The following FAM124A variants were observed in gnomAD, a reference collection of about 807,000 sequenced individuals.
FAM124A encodes the protein family with sequence similarity 124 member A.
Under a neutral mutation model 24.5 loss-of-function variants are expected in FAM124A, and 23 were observed. The observed-to-expected ratio is 0.94, with a 90% CI of 0.68 to 1.33. FAM124A has a LOEUF of 1.33. FAM124A is among the 40% of genes most tolerant of loss of function. The probability of loss-of-function intolerance (pLI) is 0.00; values close to 1 mark genes in which losing one functional copy is unlikely to be tolerated. For missense variants in FAM124A, 623 were observed against 722.8 expected (o/e 0.86, Z 1.58); for synonymous variants, 287 against 314.7 (o/e 0.91, Z 0.93).
intron 3 of FAM124A, among the ~76,000 whole-genome samples, chr13:51,264,863 A>G (rs571914864): frequency 1.1e-4 from 17 of 152,334 alleles, no homozygotes; most frequent in African/African-American, 4.1e-4. Context: ...CATTGTGTGT[A>G]TATCATCTTT....
chr13:51,233,775 G>A (rs1330623770), intron 2 of FAM124A, among the ~76,000 whole-genome samples: 3 of 152,150 alleles, frequency 2.0e-5, no homozygotes, highest in Non-Finnish European at 4.4e-5. Flanking sequence ...GTATCAATTT[G>A]ACAATGCTAC....
chr13:51,233,532 G>A (rs1223928294), intron 2 of FAM124A, among the ~76,000 whole-genome samples: 17 of 152,078 alleles, frequency 1.1e-4, no homozygotes. Flanking sequence ...AAGGAAGAAG[G>A]GGAGAGTGGG....
intron 1 of FAM124A, among the ~76,000 whole-genome samples, chr13:51,226,338 C>T (rs1336936923): frequency 1.3e-5 from 2 of 151,996 alleles, no homozygotes; most frequent in African/African-American, 4.8e-5. Context: ...GGCAGATGGA[C>T]TTCATACCAC....
At chr13:51,223,227 G>T (rs756851974) in intron 1 of FAM124A, among the ~76,000 whole-genome samples, 1 of 151,584 alleles carries the variant, frequency 6.6e-6, no homozygotes, top group Non-Finnish European at 1.5e-5. Context: ...CTTCGCTTCA[G>T]CGGACTCAAA....
intron 1 of FAM124A, among the ~76,000 whole-genome samples, chr13:51,229,697 T>C (rs960420578): frequency 6.6e-6 from 1 of 152,224 alleles, no homozygotes; most frequent in Non-Finnish European, 1.5e-5. Context: ...CTTAAGATGA[T>C]TTTATTGTAA....
rs186454218 is a variant in FAM124A at position 51,241,323 on chromosome 13, C to T, written c.100+9944C>T. ...CTGCGTCATTTAGAATGTATCATCT[C>T]CCATTTGTATTTTTGTTACATTTGT... On this transcript the variant is annotated intron_variant, in intron 2 of 3. Coordinates refer to ENST00000322475, the MANE Select transcript of FAM124A (RefSeq NM_001242312.2). Among the ~76,000 whole-genome samples, 10 of 152,322 alleles carry T rather than the reference C, an allele frequency of 6.6e-5. No homozygotes were observed. The East Asian group carries it at 1.5e-3, about 24-fold the overall frequency.
Position 51,251,448 on chromosome 13 carries a change from C to T in FAM124A, c.101-20C>T, listed in dbSNP as rs529850427. 8 of 1,494,482 alleles carry T rather than the reference C, an allele frequency of 5.4e-6. No individual in the cohort carries two copies. The East Asian group carries it at 1.4e-4, about 26-fold the overall frequency. The allele number at this position is 1,494,482 out of a possible 1,614,324, so 92.6% of individuals were successfully genotyped here. On this transcript the variant is annotated intron_variant, in intron 2 of 3. Transcript: ENST00000322475. The surrounding 1 kb of genome is among the most constrained non-coding windows in gnomAD (Gnocchi z 5.3). ...TCATAATTGTATTCATTCATCCATT[C>T]GTTTTTTGCGTGCCCCCAGGTGAGC...
Position 51,280,837 on chromosome 13 carries a change from G to A in FAM124A, c.1222G>A (p.Gly408Arg), listed in dbSNP as rs1419915835. 6.2e-7 allele frequency: 1 copy of A among 1,614,000 alleles called. No homozygotes were observed. Among genetic ancestry groups the A allele is most frequent in the African/African-American group, 1.3e-5 (1 of 74,924 alleles). ...CCTCCTCTCCATCGATGACCTAGAG[G>A]GGGCCCAGGAGACAGACGTGGACAC... ...GHLLSIDDLE[G>R]AQETDVDTGL... The change falls in exon 4 of 4, where the codon GGG (glycine) becomes AGG (arginine). Residue 408 changes from glycine (G) to arginine (R), a missense_variant. Transcript: ENST00000322475.
At position 51,251,883 on chromosome 13, in the gene FAM124A, G is replaced by T. The variant is rs1022248860; in HGVS notation, c.516G>T (p.Val172=). The part of the protein sequence containing the change: ...IRPVHYGKEI[V]RFTVYCRYDN... ...CCGTGCACTACGGCAAGGAAATCGT[G>T]CGCTTCACCGTCTACTGTCGCTACG... The change falls in exon 3 of 4, where the codon GTG becomes GTT. Residue 172 remains valine, a synonymous_variant. Coordinates refer to ENST00000322475, the MANE Select transcript of FAM124A (RefSeq NM_001242312.2). This position sits in a 1 kb window ranked among gnomAD's most constrained non-coding sequence, Gnocchi z 5.3. 7.4e-6 allele frequency: 12 copies of T among 1,613,934 alleles called. No homozygotes were observed. The highest frequency in any genetic ancestry group is 1.0e-5 in the Non-Finnish European group (12 of 1,180,018).
At chr13:51,274,307 A>AT (rs1954865443) in intron 3 of FAM124A, among the ~76,000 whole-genome samples, 1 of 152,134 alleles carries the variant, frequency 6.6e-6, no homozygotes, top group Admixed American at 6.6e-5. Flanking sequence ...AAGATTTCAG[A>AT]TTTTTTTGGA....
Position 51,251,394 on chromosome 13 carries a change from C to T in FAM124A, c.101-74C>T, listed in dbSNP as rs1356380144. The T allele has an allele frequency of 9.0e-6, 13 of 1,448,742 alleles. No individual in the cohort carries two copies. Among genetic ancestry groups the T allele is most frequent in the African/African-American group, 5.7e-5 (4 of 70,686 alleles). 89.7% of individuals were successfully genotyped at this position (1,448,742 alleles called of 1,614,324 possible). ...CTTCTCTTCCTGTCAAGCCTGTACA[C>T]GTCATCACTGGACACTTTAATGAAA... On this transcript the variant is annotated intron_variant, in intron 2 of 3. Coordinates refer to ENST00000322475, the MANE Select transcript of FAM124A (RefSeq NM_001242312.2). This position sits in a 1 kb window ranked among gnomAD's most constrained non-coding sequence, Gnocchi z 5.3.
intron 3 of FAM124A, among the ~76,000 whole-genome samples, chr13:51,260,612 A>G (rs1954725811): frequency 6.6e-6 from 1 of 152,214 alleles, no homozygotes; most frequent in Admixed American, 6.5e-5. Context: ...CATTTTGCAG[A>G]TGCACACACT....
rs140926283 is a variant in FAM124A, at chr13:51,279,512, T to C, written c.835-938T>C. ...TTATTTAATTGAAACCTTGGATGCATAGTAAGGTTGGCCTTGGGTTCTGGC... is the reference window on the plus strand; with the variant it reads ...TTATTTAATTGAAACCTTGGATGCACAGTAAGGTTGGCCTTGGGTTCTGGC... On this transcript the variant is annotated intron_variant, in intron 3 of 3. Coordinates refer to ENST00000322475, the MANE Select transcript of FAM124A (RefSeq NM_001242312.2). Among the ~76,000 whole-genome samples the C allele has an allele frequency of 4.2e-3, 642 of 152,294 alleles. 5 individuals carry two copies. Among genetic ancestry groups the C allele is most frequent in the Middle Eastern group, 0.031 (9 of 294 alleles).
chr13:51,239,458 A>C (rs1394038505), intron 2 of FAM124A, among the ~76,000 whole-genome samples: 1 of 152,232 alleles, frequency 6.6e-6, no homozygotes, highest in East Asian at 1.9e-4. Flanking sequence ...CTATAGTACA[A>C]ACATCTTTAT....
At chr13:51,275,012 G>T (rs543842767) in intron 3 of FAM124A, among the ~76,000 whole-genome samples, 1 of 152,154 alleles carries the variant, frequency 6.6e-6, no homozygotes, top group South Asian at 2.1e-4. Context: ...CCTCCCTGTG[G>T]TCATCCACAG....
At chr13:51,229,876 G>T (rs1954356085) in intron 1 of FAM124A, among the ~76,000 whole-genome samples, 1 of 152,120 alleles carries the variant, frequency 6.6e-6, no homozygotes. Flanking sequence ...TCAGAATGTT[G>T]CTAATCCTTG....
chr13:51,236,661 A>G (rs1053321608), intron 2 of FAM124A, among the ~76,000 whole-genome samples: 6 of 152,246 alleles, frequency 3.9e-5, no homozygotes, highest in African/African-American at 1.4e-4. Context: ...CAAGAGCTAA[A>G]TTCAGACTTG....
chr13:51,241,204 G>A (rs1954489756), intron 2 of FAM124A, among the ~76,000 whole-genome samples: 1 of 152,234 alleles, frequency 6.6e-6, no homozygotes, highest in Admixed American at 6.5e-5. Context: ...CCCTGAAGCA[G>A]TGAACAGCCA....
intron 2 of FAM124A, among the ~76,000 whole-genome samples, chr13:51,250,578 TC>T (rs1245480133): frequency 6.6e-6 from 1 of 152,206 alleles, no homozygotes; most frequent in Non-Finnish European, 1.5e-5. Context: ...TTTCAGGTGT[TC>T]CGCCAGAGAT....
Sources: gnomAD v4.1 joint callset for allele counts (sites outside exome capture counted in the v4.1 genomes callset) on GRCh38, gnomAD v4.1.1 for gene constraint, Gnocchi (gnomAD v3.1) non-coding constraint, MANE v1.5 for transcripts, NCBI Gene and HGNC (gene_info 2026-07-23, HGNC 2026-07-21) for gene names.